Variants in ARL6IP6 observed in about 807,000 individuals in gnomAD.
The protein encoded by ARL6IP6 is ARF like GTPase 6 interacting protein 6, also known as ADP-ribosylation factor-like protein 6-interacting protein 6.
Under a neutral mutation model 21.5 loss-of-function variants are expected in ARL6IP6, and 22 were observed. The ratio of observed to expected loss-of-function variants is 1.02; its 90% CI spans 0.73 to 1.46. The LOEUF is 1.46. Ranked by LOEUF, ARL6IP6 falls within the 40% of genes most tolerant of loss-of-function variation. The probability of loss-of-function intolerance (pLI) is 0.00; values close to 1 mark genes in which losing one functional copy is unlikely to be tolerated. For synonymous variants in ARL6IP6, 164 were observed against 125.3 expected (o/e 1.31, Z -2.06); for missense variants, 388 against 299.8 (o/e 1.29, Z -2.17).
Position 152,762,231 on chromosome 2 carries a change from C to T in ARL6IP6, c.*2391C>T, listed in dbSNP as rs929843166. 1.2e-4 allele frequency among the ~76,000 whole-genome samples: 18 copies of T among 152,222 alleles called. No individual in the cohort carries two copies. In the East Asian group the frequency reaches 2.7e-3, roughly 23 times the overall value. The stretch of plus-strand genomic sequence containing the variant: ...TGTGACGAAGCTGGGAAAATGCAAG[C>T]CCAGGAAATGCTGGCAGCTGTAGTT... On this transcript the variant is annotated 3_prime_UTR_variant, in exon 4 of 4. Transcript: ENST00000326446.
At chr2:152,732,694 A>G (rs1021666299) in intron 2 of ARL6IP6, 2 of 287,572 alleles carry the variant, frequency 7.0e-6, no homozygotes, top group Non-Finnish European at 1.4e-5. Flanking sequence ...TCCATGAGGA[A>G]TTGGTTCCAG....
chr2:152,737,113 C>G (rs1038252523), intron 3 of ARL6IP6, among the ~76,000 whole-genome samples: 2 of 152,158 alleles, frequency 1.3e-5, no homozygotes, highest in African/African-American at 2.4e-5. Flanking sequence ...CCCAAATGAC[C>G]CTACCCTACT....
intron 2 of ARL6IP6, among the ~76,000 whole-genome samples, chr2:152,721,797 G>C (rs1364887040): frequency 6.6e-6 from 1 of 152,122 alleles, no homozygotes; most frequent in Non-Finnish European, 1.5e-5. Flanking sequence ...CAGCAGAAGG[G>C]GAAACATGAA....
chr2:152,742,570 TAAAAAA>T (rs71396304), intron 3 of ARL6IP6, among the ~76,000 whole-genome samples: 13 of 115,994 alleles, frequency 1.1e-4, no homozygotes, highest in South Asian at 5.5e-4. Flanking sequence ...ATACGCTCTT[TAAAAAA>T]AAAAAAAAAA....
At chr2:152,719,064 G>C (rs1213230542) in intron 1 of ARL6IP6, 40 bp downstream of exon 1, 3 of 1,476,414 alleles carry the variant, frequency 2.0e-6, no homozygotes, top group Admixed American at 2.4e-5. Context: ...CCAGAGTAAA[G>C]TTGAGCCAGG....
intron 2 of ARL6IP6, among the ~76,000 whole-genome samples, chr2:152,734,527 G>C (rs1169689514): frequency 1.3e-5 from 2 of 152,108 alleles, no homozygotes; most frequent in Non-Finnish European, 2.9e-5. Flanking sequence ...GTTTCACTCT[G>C]TCTCCCAGGC....
In ARL6IP6 at chr2:152,724,124, AAAAGAGAG is replaced by A. The variant is rs1699924149; in HGVS notation, c.454+3543_454+3550del. On this transcript the variant is annotated intron_variant, in intron 2 of 3. Transcript: ENST00000326446. Reference sequence around the variant, plus strand: ...TGACTAAGGCCAAAAAAAAAAAAAAAAAAGAGAGAAAGCCAAAAAGGACTGGAAGGATA... The same window carrying A: ...TGACTAAGGCCAAAAAAAAAAAAAAAAAAGCCAAAAAGGACTGGAAGGATA... Among the ~76,000 whole-genome samples, 3 of 141,692 alleles carry A rather than the reference AAAAGAGAG, an allele frequency of 2.1e-5. No individual in the cohort carries two copies. The South Asian group carries it at 6.7e-4, about 32-fold the overall frequency. 93.0% of individuals were successfully genotyped at this position (141,692 alleles called of 152,430 possible). A position where few individuals can be genotyped will look rare whatever the true frequency, so the allele number is the denominator to read the frequency against.
At chr2:152,752,275 A>G (rs1268367456) in intron 3 of ARL6IP6, among the ~76,000 whole-genome samples, 1 of 152,192 alleles carries the variant, frequency 6.6e-6, no homozygotes, top group African/African-American at 2.4e-5. Flanking sequence ...ACCTGCAATA[A>G]TAAGAACCAT....
intron 3 of ARL6IP6, among the ~76,000 whole-genome samples, chr2:152,751,561 A>G (rs1040456532): frequency 4.0e-5 from 6 of 151,740 alleles, no homozygotes; most frequent in Non-Finnish European, 7.4e-5. Context: ...TCGAATAACC[A>G]CAGTTCTACC....
chr2:152,751,525 C>T (rs990877959), intron 3 of ARL6IP6, among the ~76,000 whole-genome samples: 2 of 152,130 alleles, frequency 1.3e-5, no homozygotes, highest in African/African-American at 4.8e-5. Flanking sequence ...GTTTCTTCCC[C>T]GGCTACCCCA....
intron 3 of ARL6IP6, among the ~76,000 whole-genome samples, chr2:152,756,178 C>G (rs1701584830): frequency 6.6e-6 from 1 of 152,000 alleles, no homozygotes; most frequent in South Asian, 2.1e-4. Flanking sequence ...AGATTTATAC[C>G]TATGTTTCCT....
At chr2:152,735,469 G>C (rs1700509391) in intron 3 of ARL6IP6, among the ~76,000 whole-genome samples, 1 of 152,094 alleles carries the variant, frequency 6.6e-6, no homozygotes, top group Admixed American at 6.5e-5. Flanking sequence ...GTTTTACTAG[G>C]TTCACACATG....
At chr2:152,756,786 T>G (rs1281166998) in intron 3 of ARL6IP6, among the ~76,000 whole-genome samples, 3 of 152,188 alleles carry the variant, frequency 2.0e-5, no homozygotes, top group Non-Finnish European at 4.4e-5. Context: ...CAAGTGTTCA[T>G]GGTGATGTGG....
At chr2:152,726,276 A>G (rs558734732) in intron 2 of ARL6IP6, among the ~76,000 whole-genome samples, 3 of 152,322 alleles carry the variant, frequency 2.0e-5, no homozygotes, top group East Asian at 3.9e-4. Context: ...TTCAACAGAA[A>G]GATGTAGAAA....
Position 152,737,386 on chromosome 2 carries a change from T to G in ARL6IP6, c.587+2260T>G, listed in dbSNP as rs144442072. On this transcript the variant is annotated intron_variant, in intron 3 of 3. Transcript: ENST00000326446. ...ATCTGCTATTCTGAGGGCATTTAAC[T>G]AATTTTAAAAAAAATTATCTTTGCA... 5.7e-3 allele frequency among the ~76,000 whole-genome samples: 875 copies of G among 152,318 alleles called. 11 individuals are homozygous for G. The highest frequency in any genetic ancestry group is 0.019 in the African/African-American group (809 of 41,564).
chr2:152,750,546 A>G (rs1223773833), intron 3 of ARL6IP6, among the ~76,000 whole-genome samples: 1 of 151,758 alleles, frequency 6.6e-6, no homozygotes, highest in East Asian at 1.9e-4. Flanking sequence ...ATGGAAGGAA[A>G]TAGAAGCGAC....
intron 3 of ARL6IP6, among the ~76,000 whole-genome samples, chr2:152,746,001 CT>C (rs67760283): frequency 0.025 from 1,659 of 65,876 alleles, 24 homozygotes; most frequent in East Asian, 0.06. Flanking sequence ...TGCTTTGTAC[CT>C]TTTTTTTTTT....
In ARL6IP6 at chr2:152,720,604, G is replaced by C; in HGVS notation, c.454+18G>C. On this transcript the variant is annotated intron_variant, in intron 2 of 3. Coordinates refer to ENST00000326446, the MANE Select transcript of ARL6IP6 (RefSeq NM_152522.7). ...ACTATTAGGTATGGACTTAATTGCC[G>C]CTTGCTTTGGTTTTGAGCTCACGTT... 6.2e-7 allele frequency: 1 copy of C among 1,607,262 alleles called. No homozygotes were observed. Among genetic ancestry groups the C allele is most frequent in the Non-Finnish European group, 8.5e-7 (1 of 1,175,462 alleles).
chr2:152,752,483 C>A (rs1178669527), intron 3 of ARL6IP6, among the ~76,000 whole-genome samples: 1 of 152,176 alleles, frequency 6.6e-6, no homozygotes, highest in Non-Finnish European at 1.5e-5. Context: ...GAACAAAACC[C>A]TCAAAGTAAC....
Sources: allele counts gnomAD v4.1 joint callset (sites outside exome capture counted in the v4.1 genomes callset), GRCh38; gene constraint gnomAD v4.1.1; transcripts MANE v1.5; gene names NCBI Gene and HGNC (gene_info 2026-07-23, HGNC 2026-07-21).